Variants in NELL1 observed in about 807,000 individuals in gnomAD.
NELL1 encodes the protein neural EGFL like 1.
In NELL1, 76 loss-of-function variants were observed where a neutral mutation model predicts 107.4. That is an observed-to-expected ratio of 0.71 (90% CI 0.59 to 0.86). The LOEUF is 0.86. NELL1 is among the 40% of genes least tolerant of loss of function. The pLI is 0.00. For synonymous variants in NELL1, 353 were observed against 341.2 expected (o/e 1.03, Z -0.38); for missense variants, 1,024 against 1,005.5 (o/e 1.02, Z -0.25).
chr11:21,442,942 C>CTTTTTTTTT (rs66501874), intron 15 of NELL1, among the ~76,000 whole-genome samples: 15 of 57,590 alleles, frequency 2.6e-4, no homozygotes, highest in South Asian at 9.1e-4. Context: ...GCTATCTTTC[C>CTTTTTTTTT]TTTTTTTTTT....
intron 15 of NELL1, among the ~76,000 whole-genome samples, chr11:21,416,443 T>G (rs1020482442): frequency 6.6e-6 from 1 of 152,066 alleles, no homozygotes; most frequent in African/African-American, 2.4e-5. Context: ...CTTCCTGCAT[T>G]AATTAGTCAT....
intron 15 of NELL1, among the ~76,000 whole-genome samples, chr11:21,464,426 G>T (rs1853975731): frequency 1.4e-5 from 2 of 145,596 alleles, no homozygotes; most frequent in African/African-American, 5.1e-5. Flanking sequence ...AAAAAATTCA[G>T]AGTAATAGCA....
chr11:20,923,084 A>T (rs1590419680), intron 7 of NELL1, among the ~76,000 whole-genome samples: 1 of 152,186 alleles, frequency 6.6e-6, no homozygotes, highest in East Asian at 1.9e-4. Flanking sequence ...TGCTGTCAAG[A>T]CCCTAGTCTA....
chr11:21,570,955 T>C lies in NELL1; in HGVS notation c.2157+15T>C, dbSNP rs1857088409. 2.5e-6 allele frequency: 4 copies of C among 1,608,038 alleles called. No individual in the cohort carries two copies. Among genetic ancestry groups the C allele is most frequent in the Admixed American group, 1.7e-5 (1 of 59,676 alleles). On this transcript the variant is annotated intron_variant, in intron 18 of 19. Transcript: ENST00000357134. ...GTCGGTGTCTGGTATGTTGGCTTCC[T>C]TTATAAGGTGTTGAGCCTTTACTCT... is the stretch of plus-strand genomic sequence containing the variant.
chr11:21,351,776 A>G (rs983654330), intron 14 of NELL1, among the ~76,000 whole-genome samples: 1 of 152,132 alleles, frequency 6.6e-6, no homozygotes, highest in African/African-American at 2.4e-5. Context: ...TGCATTCACC[A>G]TTGCTTATGC....
At position 21,365,148 on chromosome 11, in the gene NELL1, G is replaced by A. The variant is rs180699099; in HGVS notation, c.1550-5705G>A. On this transcript the variant is annotated intron_variant, in intron 14 of 19. Coordinates refer to ENST00000357134, the MANE Select transcript of NELL1 (RefSeq NM_006157.5). The stretch of plus-strand genomic sequence containing the variant: ...ACACTGTGTTCGTGCTACTGCAGTA[G>A]CATTTATCACATTTTATTATGCTTG... 3.3e-5 allele frequency among the ~76,000 whole-genome samples: 5 copies of A among 152,242 alleles called. No homozygotes were observed. The East Asian group carries it at 7.7e-4, about 24-fold the overall frequency.
chr11:20,904,855 G>A (rs1849958802), intron 5 of NELL1, among the ~76,000 whole-genome samples: 1 of 151,502 alleles, frequency 6.6e-6, no homozygotes. Context: ...TTGAGACAGG[G>A]TCTCATTCTG....
chr11:21,187,704 T>C (rs538444654), intron 13 of NELL1, among the ~76,000 whole-genome samples: 3 of 151,786 alleles, frequency 2.0e-5, no homozygotes, highest in Non-Finnish European at 4.4e-5. Context: ...GTGTCTGCCC[T>C]TACAGGGTCA....
rs539346635 is a variant in NELL1, at chr11:21,342,037, C to T, written c.1550-28816C>T. Among the ~76,000 whole-genome samples the T allele has an allele frequency of 9.9e-5, 15 of 152,226 alleles. No individual in the cohort carries two copies. The South Asian group carries it at 1.0e-3, about 11-fold the overall frequency. The stretch of plus-strand genomic sequence containing the variant: ...AGCTTCACTAACCTAAATGAGTTGT[C>T]GATAGCAATACCATGGACTGTAACT... On this transcript the variant is annotated intron_variant, in intron 14 of 19. Coordinates refer to ENST00000357134, the MANE Select transcript of NELL1 (RefSeq NM_006157.5).
At chr11:21,361,159 G>T (rs1454329064) in intron 14 of NELL1, among the ~76,000 whole-genome samples, 2 of 151,692 alleles carry the variant, frequency 1.3e-5, no homozygotes, top group African/African-American at 4.8e-5. Context: ...TGCTGGCTTG[G>T]TAGTGGTGAA....
intron 2 of NELL1, among the ~76,000 whole-genome samples, chr11:20,723,632 C>T (rs1315147859): frequency 1.3e-5 from 2 of 152,128 alleles, no homozygotes; most frequent in Non-Finnish European, 2.9e-5. Context: ...CTTTTCCAAG[C>T]ACACAGTGGT....
At chr11:20,709,462 G>A (rs1486216528) in intron 2 of NELL1, among the ~76,000 whole-genome samples, 1 of 152,168 alleles carries the variant, frequency 6.6e-6, no homozygotes, top group Non-Finnish European at 1.5e-5. Flanking sequence ...ACAATTTGAA[G>A]TTGAGTAATG....
At chr11:21,117,480 CT>C (rs1272798233) in intron 13 of NELL1, among the ~76,000 whole-genome samples, 1 of 151,872 alleles carries the variant, frequency 6.6e-6, no homozygotes, top group Non-Finnish European at 1.5e-5. Flanking sequence ...AAATTTTTCA[CT>C]TTTGAAAACC....
chr11:21,074,750 TA>T (rs1300940624), intron 12 of NELL1, among the ~76,000 whole-genome samples: 12 of 152,150 alleles, frequency 7.9e-5, no homozygotes, highest in East Asian at 1.9e-4. Context: ...CAACTTTTTT[TA>T]AAAAAGGTTT....
At chr11:21,081,276 C>G (rs1446967137) in intron 12 of NELL1, among the ~76,000 whole-genome samples, 1 of 152,048 alleles carries the variant, frequency 6.6e-6, no homozygotes, top group Non-Finnish European at 1.5e-5. Flanking sequence ...CTATTGTTTC[C>G]CTTGCCACCT....
chr11:21,041,668 A>G (rs1055116989), intron 12 of NELL1, among the ~76,000 whole-genome samples: 3 of 152,202 alleles, frequency 2.0e-5, no homozygotes, highest in African/African-American at 7.2e-5. Context: ...ACAAAGTTTT[A>G]AAAGTGGAAA....
intron 13 of NELL1, chr11:21,169,720 C>A: frequency 1.3e-6 from 1 of 756,620 alleles, no homozygotes; most frequent in South Asian, 1.9e-5. Context: ...CATCTTTTGG[C>A]ACAGAAGTAG....
chr11:20,955,290 A>G (rs1851148082), intron 11 of NELL1, among the ~76,000 whole-genome samples: 1 of 152,214 alleles, frequency 6.6e-6, no homozygotes, highest in Non-Finnish European at 1.5e-5. Flanking sequence ...ACCAGTTAAC[A>G]GGTCATAAGT....
chr11:21,558,104 A>G (rs1167476013), intron 16 of NELL1, among the ~76,000 whole-genome samples: 2 of 151,978 alleles, frequency 1.3e-5, no homozygotes, highest in Non-Finnish European at 2.9e-5. Context: ...AAGACTGCGT[A>G]GGAGTGAAAG....
Sources: gnomAD v4.1 joint callset for allele counts (sites outside exome capture counted in the v4.1 genomes callset) on GRCh38, gnomAD v4.1.1 for gene constraint, MANE v1.5 for transcripts, NCBI Gene and HGNC (gene_info 2026-07-23, HGNC 2026-07-21) for gene names.